The following LGSN variants were observed in gnomAD, a reference collection of about 807,000 sequenced individuals.
LGSN encodes the protein lengsin.
LGSN carries 21 observed loss-of-function variants against 19.5 expected under a neutral mutation model. That is an observed-to-expected ratio of 1.07 (90% CI 0.76 to 1.55). The LOEUF (loss-of-function observed/expected upper bound fraction) is 1.55, where lower values mean the gene tolerates loss of function less well. LGSN is among the 40% of genes most tolerant of loss of function. The pLI is 0.00. For missense variants in LGSN, 673 were observed against 608.5 expected, an observed-to-expected ratio of 1.11 and a Z score of -1.12; for synonymous variants, 257 against 215.6, an observed-to-expected ratio of 1.19 and a Z score of -1.68.
chr6:63,298,412 C>T (rs1768060936), intron 1 of LGSN, among the ~76,000 whole-genome samples: 1 of 152,186 alleles, frequency 6.6e-6, no homozygotes, highest in African/African-American at 2.4e-5. Flanking sequence ...TCTTAGATGG[C>T]TGACTGGTTA....
chr6:63,497,918 C>CTTTTTTTT, the LGSN span, among the ~76,000 whole-genome samples: 72 of 121,866 alleles, frequency 5.9e-4, 2 homozygotes, highest in African/African-American at 2.2e-3. Flanking sequence ...TGTCATGTTT[C>CTTTTTTTT]TTTTTTTTTT....
chr6:63,346,583 C>G, the LGSN span, among the ~76,000 whole-genome samples: 2 of 152,106 alleles, frequency 1.3e-5, no homozygotes, highest in African/African-American at 4.8e-5. Flanking sequence ...CTGTGAGCCA[C>G]TCTAGTAAAT....
chr6:63,514,420 G>A, the LGSN span, among the ~76,000 whole-genome samples: 4 of 152,184 alleles, frequency 2.6e-5, no homozygotes, highest in Admixed American at 2.0e-4. Flanking sequence ...TGGAGATGGG[G>A]TTTCACCATG....
In LGSN at chr6:63,286,133, A is replaced by G. The variant is rs568892918; in HGVS notation, c.164-380T>C. ...TGTCTGTAGGTGACTATTATTAAAC[A>G]TATTTGGGCTTCTTGAACTAACTGT... On this transcript the variant is annotated intron_variant, in intron 2 of 3. Coordinates refer to ENST00000370657, the MANE Select transcript of LGSN (RefSeq NM_016571.3). 7.9e-5 allele frequency among the ~76,000 whole-genome samples: 12 copies of G among 152,344 alleles called. No homozygotes were observed. In the South Asian group the frequency reaches 1.4e-3, roughly 18 times the overall value.
At chr6:63,352,857 AT>A in the LGSN span, among the ~76,000 whole-genome samples, 6 of 150,982 alleles carry the variant, frequency 4.0e-5, no homozygotes, top group African/African-American at 1.5e-4. Flanking sequence ...AAACAGCTGG[AT>A]TTTTTTTTAA....
At chr6:63,335,335 G>A in the LGSN span, among the ~76,000 whole-genome samples, 1 of 151,776 alleles carries the variant, frequency 6.6e-6, no homozygotes. Context: ...AGAAAACATA[G>A]GAAAAACTCT....
chr6:63,475,368 G>T, the LGSN span, among the ~76,000 whole-genome samples: 10 of 145,890 alleles, frequency 6.9e-5, no homozygotes, highest in Non-Finnish European at 1.5e-4. Context: ...CACCCATAGA[G>T]ACCCAACATA....
chr6:63,412,674 G>A, the LGSN span, among the ~76,000 whole-genome samples: 4,832 of 113,522 alleles, frequency 0.043, 315 homozygotes, highest in African/African-American at 0.12. Flanking sequence ...GGAAGGAAAG[G>A]AAGAAAGAAA....
chr6:63,474,325 C>A, the LGSN span, among the ~76,000 whole-genome samples: 2 of 152,200 alleles, frequency 1.3e-5, no homozygotes, highest in South Asian at 4.1e-4. Flanking sequence ...AGTGGGAAAA[C>A]GGGACGGGCG....
chr6:63,307,358 C>T (rs1768431348), intron 1 of LGSN, among the ~76,000 whole-genome samples: 2 of 152,184 alleles, frequency 1.3e-5, no homozygotes, highest in Admixed American at 1.3e-4. Flanking sequence ...GCACCAAGTA[C>T]TTGGCACACT....
At chr6:63,434,604 CAAAA>C in the LGSN span, among the ~76,000 whole-genome samples, 2 of 62,900 alleles carry the variant, frequency 3.2e-5, no homozygotes, top group Admixed American at 2.0e-4. Flanking sequence ...ACTAAAAATT[CAAAA>C]AAAAAAAAAA....
chr6:63,355,827 G>T, the LGSN span, among the ~76,000 whole-genome samples: 1 of 152,086 alleles, frequency 6.6e-6, no homozygotes, highest in Admixed American at 6.5e-5. Context: ...TACAACATGT[G>T]CCACCATGCC....
chr6:63,549,093 C>T, the LGSN span: 25 of 707,882 alleles, frequency 3.5e-5, no homozygotes, highest in Admixed American at 1.6e-4. Context: ...GGTGTTAACT[C>T]CTGCTCGAAG....
At chr6:63,412,198 G>C in the LGSN span, among the ~76,000 whole-genome samples, 17,350 of 151,324 alleles carry the variant, frequency 0.11, 1,986 homozygotes, top group African/African-American at 0.3. Context: ...AAAACCCTGT[G>C]TCTTCTAAAA....
At chr6:63,337,183 A>G in the LGSN span, among the ~76,000 whole-genome samples, 4 of 152,002 alleles carry the variant, frequency 2.6e-5, no homozygotes, top group East Asian at 7.8e-4. Context: ...TCGGTCTCCC[A>G]AAGTGCTGGG....
the LGSN span, among the ~76,000 whole-genome samples, chr6:63,357,694 G>T: frequency 3.3e-5 from 5 of 152,138 alleles, no homozygotes; most frequent in Admixed American, 3.3e-4. Context: ...TTTTTTTCTT[G>T]TAAATTTGTT....
chr6:63,297,100 G>C (rs967615577), intron 1 of LGSN, among the ~76,000 whole-genome samples: 5 of 152,074 alleles, frequency 3.3e-5, no homozygotes, highest in African/African-American at 1.2e-4. Flanking sequence ...CCAGCACTTT[G>C]AGAGGCCAAG....
chr6:63,362,565 A>G, the LGSN span, among the ~76,000 whole-genome samples: 2 of 152,232 alleles, frequency 1.3e-5, no homozygotes, highest in Non-Finnish European at 2.9e-5. Context: ...CGCCTGGCTC[A>G]GAGGGTCTCA....
At chr6:63,315,536 G>C (rs1768806010) in intron 1 of LGSN, among the ~76,000 whole-genome samples, 1 of 151,528 alleles carries the variant, frequency 6.6e-6, no homozygotes, top group African/African-American at 2.4e-5. Flanking sequence ...CCACGGTTAT[G>C]ATTACCCCAC....
Sources: allele counts gnomAD v4.1 joint callset (sites outside exome capture counted in the v4.1 genomes callset), GRCh38; gene constraint gnomAD v4.1.1; transcripts MANE v1.5; gene names NCBI Gene and HGNC (gene_info 2026-07-23, HGNC 2026-07-21).